Variants in FREM2 observed in about 807,000 individuals in gnomAD.
The protein encoded by FREM2 is FRAS1 related extracellular matrix 2.
A neutral mutation model predicts 219.9 loss-of-function variants in FREM2; 119 were observed. The observed-to-expected ratio is 0.54, with a 90% CI of 0.47 to 0.63. The LOEUF is 0.63. Ranked by LOEUF, FREM2 falls within the 30% of genes least tolerant of loss-of-function variation. The pLI, the probability that FREM2 is intolerant of heterozygous loss-of-function variation, is 0.00. For synonymous variants in FREM2, 1,562 were observed against 1,522.8 expected, an observed-to-expected ratio of 1.03 and a Z score of -0.60; for missense variants, 4,030 against 3,993.6, an observed-to-expected ratio of 1.01 and a Z score of -0.25.
chr13:38,738,355 C>T (rs1872083133), intron 2 of FREM2, among the ~76,000 whole-genome samples: 1 of 151,884 alleles, frequency 6.6e-6, no homozygotes, highest in African/African-American at 2.4e-5. Context: ...CACCTGAGGT[C>T]AGGAGTTCAA....
intron 2 of FREM2, among the ~76,000 whole-genome samples, chr13:38,751,893 TG>T (rs60803394): frequency 0.15 from 22,519 of 150,162 alleles, 1,869 homozygotes; most frequent in Middle Eastern, 0.25. Context: ...TGTGTGTGTG[TG>T]TGTTTTCCTT....
intron 7 of FREM2, among the ~76,000 whole-genome samples, chr13:38,847,167 A>T (rs1446047645): frequency 6.6e-6 from 1 of 151,616 alleles, no homozygotes; most frequent in African/African-American, 2.4e-5. Context: ...AATACTTCAG[A>T]TCCAAAAGGT....
At chr13:38,759,480 T>C (rs1873146485) in intron 2 of FREM2, among the ~76,000 whole-genome samples, 2 of 151,276 alleles carry the variant, frequency 1.3e-5, no homozygotes, top group Non-Finnish European at 2.9e-5. Context: ...TGAGTTTGAA[T>C]TGAAGAAAAT....
chr13:38,869,022 CT>C (rs1878067595), intron 16 of FREM2, among the ~76,000 whole-genome samples: 1 of 152,214 alleles, frequency 6.6e-6, no homozygotes, highest in African/African-American at 2.4e-5. Context: ...GGCCAAGCGC[CT>C]AGCAGACATT....
At chr13:38,762,146 G>A (rs1020871227) in intron 2 of FREM2, among the ~76,000 whole-genome samples, 1 of 152,122 alleles carries the variant, frequency 6.6e-6, no homozygotes, top group Non-Finnish European at 1.5e-5. Context: ...TACCTGAGTC[G>A]ATCTTTGAAG....
intron 2 of FREM2, among the ~76,000 whole-genome samples, chr13:38,753,274 A>T (rs981952853): frequency 3.9e-5 from 6 of 152,214 alleles, no homozygotes; most frequent in African/African-American, 1.2e-4. Context: ...GTATACACAT[A>T]TAATTATACT....
chr13:38,762,510 G>T (rs1873268144), intron 2 of FREM2, among the ~76,000 whole-genome samples: 1 of 151,990 alleles, frequency 6.6e-6, no homozygotes, highest in Non-Finnish European at 1.5e-5. Flanking sequence ...TGCGATCTTG[G>T]CTCACCACAA....
intron 2 of FREM2, among the ~76,000 whole-genome samples, chr13:38,736,560 A>G (rs1872003768): frequency 6.6e-6 from 1 of 152,202 alleles, no homozygotes; most frequent in Non-Finnish European, 1.5e-5. Context: ...TTTATTTAAT[A>G]TGGCATTTTC....
chr13:38,723,363 T>C (rs565857439), intron 2 of FREM2, among the ~76,000 whole-genome samples: 11 of 152,360 alleles, frequency 7.2e-5, no homozygotes, highest in Admixed American at 7.2e-4. Context: ...TTTTGTTAAA[T>C]ATGATCAGAT....
Position 38,884,128 on chromosome 13 carries a change from G to A in FREM2, c.*3341G>A, listed in dbSNP as rs948483041. 2 of 152,174 alleles carry A rather than the reference G, an allele frequency of 1.3e-5. No homozygotes were observed. Among genetic ancestry groups the A allele is most frequent in the African/African-American group, 4.8e-5 (2 of 41,426 alleles). The allele number at this position is 152,174 out of a possible 1,614,324, so 9.4% of individuals were successfully genotyped here. ...GTTTGAACAATTTGCATAAAGGTCAGCTAGCATCCTGCTGCCAAGCCACTG... is the reference window on the plus strand; with the variant it reads ...GTTTGAACAATTTGCATAAAGGTCAACTAGCATCCTGCTGCCAAGCCACTG... On this transcript the variant is annotated 3_prime_UTR_variant, in exon 24 of 24. Coordinates refer to ENST00000280481, the MANE Select transcript of FREM2 (RefSeq NM_207361.6).
chr13:38,873,225 A>G (rs1159730019), intron 17 of FREM2, among the ~76,000 whole-genome samples: 1 of 152,228 alleles, frequency 6.6e-6, no homozygotes, highest in Non-Finnish European at 1.5e-5. Context: ...ACATAACACA[A>G]CATATATATT....
chr13:38,732,158 TTAAAA>T (rs1385561921), intron 2 of FREM2, among the ~76,000 whole-genome samples: 3 of 152,222 alleles, frequency 2.0e-5, no homozygotes, highest in Non-Finnish European at 4.4e-5. Context: ...TAAAATACTC[TTAAAA>T]TAATACAACT....
chr13:38,841,137 A>G (rs1271712913), intron 6 of FREM2, among the ~76,000 whole-genome samples: 2 of 152,188 alleles, frequency 1.3e-5, no homozygotes, highest in Non-Finnish European at 2.9e-5. Flanking sequence ...CGGGATTAAT[A>G]TAGTACACAC....
intron 6 of FREM2, among the ~76,000 whole-genome samples, chr13:38,802,903 T>A (rs1263061506): frequency 6.6e-6 from 1 of 152,152 alleles, no homozygotes; most frequent in Admixed American, 6.5e-5. Context: ...ACTTACCCTT[T>A]CCGCACTTGT....
intron 1 of FREM2, among the ~76,000 whole-genome samples, chr13:38,694,040 T>G (rs1314823066): frequency 6.6e-6 from 1 of 152,184 alleles, no homozygotes; most frequent in African/African-American, 2.4e-5. Context: ...TCCTCTGACC[T>G]GAAAAAGAAA....
At position 38,690,506 on chromosome 13, in the gene FREM2, T is replaced by C; in HGVS notation, c.3162T>C (p.Thr1054=). 1 of 1,614,202 alleles carries C rather than the reference T, an allele frequency of 6.2e-7. No individual in the cohort carries two copies. The highest frequency in any genetic ancestry group is 8.5e-7 in the Non-Finnish European group (1 of 1,180,018). Residue 1054 remains threonine (T), a synonymous_variant, in exon 1 of 24, where the codon ACT becomes ACC. Coordinates refer to ENST00000280481, the MANE Select transcript of FREM2 (RefSeq NM_207361.6). ...RIGGNTIQGV[T]IWVTILPVDS... is the part of the protein sequence containing the mutation. ...GTGGCAATACTATCCAAGGAGTTAC[T>C]ATATGGGTGACCATCCTGCCTGTTG...
chr13:38,811,284 T>A (rs928601242), intron 6 of FREM2, among the ~76,000 whole-genome samples: 1 of 152,030 alleles, frequency 6.6e-6, no homozygotes, highest in Non-Finnish European at 1.5e-5. Context: ...TTGTGTATTA[T>A]ATTCTTCATT....
chr13:38,714,433 T>C (rs1870899935), intron 2 of FREM2, among the ~76,000 whole-genome samples: 1 of 152,172 alleles, frequency 6.6e-6, no homozygotes, highest in South Asian at 2.1e-4. Flanking sequence ...TCCATTCAAA[T>C]GTATAAAAGT....
intron 6 of FREM2, among the ~76,000 whole-genome samples, chr13:38,806,621 G>T (rs918690554): frequency 1.4e-4 from 22 of 152,022 alleles, no homozygotes; most frequent in African/African-American, 5.3e-4. Flanking sequence ...GCTAATGATT[G>T]TCAGAGCCTT....
Sources: gnomAD v4.1 joint callset for allele counts (sites outside exome capture counted in the v4.1 genomes callset) on GRCh38, gnomAD v4.1.1 for gene constraint, MANE v1.5 for transcripts, NCBI Gene and HGNC (gene_info 2026-07-23, HGNC 2026-07-21) for gene names.